The following CLMN variants were observed in gnomAD, a reference collection of about 807,000 sequenced individuals.
CLMN encodes calmin.
In CLMN, 57 loss-of-function variants were observed where a neutral mutation model predicts 92.7. That is an observed-to-expected ratio of 0.61 (90% confidence interval 0.50 to 0.77). The LOEUF (loss-of-function observed/expected upper bound fraction) is 0.77, where lower values mean the gene tolerates loss of function less well. Ranked by LOEUF, CLMN falls within the 30% of genes least tolerant of loss-of-function variation. The probability of loss-of-function intolerance (pLI) is 0.00; values close to 1 mark genes in which losing one functional copy is unlikely to be tolerated. For synonymous variants in CLMN, 466 were observed against 470.6 expected (o/e 0.99, Z 0.13); for missense variants, 1,158 against 1,237.5 (o/e 0.94, Z 0.96).
Position 95,182,879 on chromosome 14 carries a change from C to T in CLMN, c.*8685G>A, listed in dbSNP as rs1226960459. 2 of 152,204 alleles carry T rather than the reference C, an allele frequency of 1.3e-5. No homozygotes were observed. The highest frequency in any genetic ancestry group is 4.8e-5 in the African/African-American group (2 of 41,448). The allele number at this position is 152,204 out of a possible 1,614,324, so 9.4% of individuals were successfully genotyped here. A position where few individuals can be genotyped will look rare whatever the true frequency, so the allele number is the denominator to read the frequency against. ...CCCTAGGAAGCAGATTTCCCAGGTT[C>T]TACTTCAAACATTCATCTGAAACCT... On this transcript the variant is annotated 3_prime_UTR_variant, in exon 13 of 13. Coordinates refer to ENST00000298912, the MANE Select transcript of CLMN (RefSeq NM_024734.4).
chr14:95,265,767 G>A (rs947964724), intron 1 of CLMN, among the ~76,000 whole-genome samples: 4 of 152,192 alleles, frequency 2.6e-5, no homozygotes, highest in Admixed American at 1.3e-4. Flanking sequence ...TTACCTTCCT[G>A]AAGAAGGCAG....
At chr14:95,217,088 G>A (rs1204178728) in intron 4 of CLMN, among the ~76,000 whole-genome samples, 1 of 152,128 alleles carries the variant, frequency 6.6e-6, no homozygotes, top group African/African-American at 2.4e-5. Flanking sequence ...AGGCCACACT[G>A]GTGTCTGCCA....
intron 1 of CLMN, among the ~76,000 whole-genome samples, chr14:95,245,673 T>C (rs1293285224): frequency 1.3e-5 from 1 of 77,492 alleles, no homozygotes; most frequent in Non-Finnish European, 2.3e-5. Context: ...GATGGATAGA[T>C]GGATGGGTGG....
rs906226603 is a variant in CLMN at position 95,204,518 on chromosome 14, A to G, written c.886-55T>C. 4.1e-6 allele frequency: 6 copies of G among 1,448,852 alleles called. No homozygotes were observed. In the South Asian group the frequency reaches 7.0e-5, roughly 17 times the overall value. The allele number at this position is 1,448,852 out of a possible 1,614,324, so 89.7% of individuals were successfully genotyped here. A position where few individuals can be genotyped will look rare whatever the true frequency, so the allele number is the denominator to read the frequency against. ...AAAAAAAACAAAAGAACAACAACAAAAAAAAGCACAGAGCAACATGAGTAA... is the reference window on the plus strand; with the variant it reads ...AAAAAAAACAAAAGAACAACAACAAGAAAAAGCACAGAGCAACATGAGTAA... On this transcript the variant is annotated intron_variant, in intron 8 of 12. Coordinates refer to ENST00000298912, the MANE Select transcript of CLMN (RefSeq NM_024734.4).
intron 1 of CLMN, among the ~76,000 whole-genome samples, chr14:95,268,516 G>C (rs1382220961): frequency 6.6e-6 from 1 of 152,138 alleles, no homozygotes; most frequent in South Asian, 2.1e-4. Flanking sequence ...GAAGGGTGGG[G>C]GCATGACTAT....
Position 95,222,289 on chromosome 14 carries a change from T to C in CLMN, c.241-515A>G, listed in dbSNP as rs57386182. 1.7e-5 allele frequency: 4 copies of C among 234,058 alleles called. No individual in the cohort carries two copies. In the South Asian group the frequency reaches 2.1e-4, roughly 12 times the overall value. The allele number at this position is 234,058 out of a possible 1,614,324, so 14.5% of individuals were successfully genotyped here. Reference sequence around the variant, plus strand: ...TAGCCAAGAGTTTTGTGGACAGTTATCCCAGGTCGAAAGAGAGAAAGAGAG... The same window carrying C: ...TAGCCAAGAGTTTTGTGGACAGTTACCCCAGGTCGAAAGAGAGAAAGAGAG... On this transcript the variant is annotated intron_variant, in intron 3 of 12. Transcript: ENST00000298912.
At chr14:95,317,372 C>G (rs573998965) in intron 1 of CLMN, among the ~76,000 whole-genome samples, 1 of 152,292 alleles carries the variant, frequency 6.6e-6, no homozygotes, top group South Asian at 2.1e-4. Flanking sequence ...CAATGCTAAG[C>G]AAAGCACAAC....
intron 1 of CLMN, among the ~76,000 whole-genome samples, chr14:95,291,571 C>A (rs1002037034): frequency 1.2e-4 from 18 of 152,210 alleles, no homozygotes; most frequent in African/African-American, 4.3e-4. Flanking sequence ...CGGAGTCAGA[C>A]TGGCCCCAGC....
rs529569819 is a variant in CLMN, at chr14:95,185,779, G to C, written c.*5785C>G. ...AAGGTGTCTCCAAGCAGAAGGGAGA[G>C]AGAGGCCGTGTCTCAAAACTCCAGA... On this transcript the variant is annotated 3_prime_UTR_variant, in exon 13 of 13. Transcript: ENST00000298912. The C allele has an allele frequency of 6.6e-6, 1 of 152,046 alleles. No homozygotes were observed. The highest frequency in any genetic ancestry group is 1.5e-5 in the Non-Finnish European group (1 of 68,032). 9.4% of individuals were successfully genotyped at this position (152,046 alleles called of 1,614,324 possible).
chr14:95,213,453 C>T (rs780714810), intron 5 of CLMN, 44 bp from the exon 6 acceptor site: 1 of 1,553,256 alleles, frequency 6.4e-7, no homozygotes, highest in Non-Finnish European at 8.7e-7. Flanking sequence ...CAGACCCACC[C>T]TCTCAGCAAG....
At chr14:95,245,207 A>ACAC (rs1566890886) in intron 1 of CLMN, among the ~76,000 whole-genome samples, 1 of 24,510 alleles carries the variant, frequency 4.1e-5, no homozygotes, top group Non-Finnish European at 6.5e-5. Context: ...ATATATATAT[A>ACAC]TTATATATAT....
chr14:95,302,347 G>A (rs1214640993), intron 1 of CLMN, among the ~76,000 whole-genome samples: 1 of 151,652 alleles, frequency 6.6e-6, no homozygotes, highest in African/African-American at 2.4e-5. Flanking sequence ...AGGAAAGAAG[G>A]AAGGAGGGAA....
At chr14:95,236,163 G>A (rs543174030) in intron 1 of CLMN, among the ~76,000 whole-genome samples, 2 of 152,246 alleles carry the variant, frequency 1.3e-5, no homozygotes, top group Non-Finnish European at 2.9e-5. Context: ...TACAGGTAAG[G>A]AGTCTGAGGC....
chr14:95,209,327 G>T, intron 8 of CLMN, 68 bp downstream of exon 8: 2 of 1,463,700 alleles, frequency 1.4e-6, no homozygotes, highest in Non-Finnish European at 1.9e-6. Context: ...CCACGTCCCT[G>T]CTTCGTCTGA....
intron 1 of CLMN, 74 bp downstream of exon 1, chr14:95,319,637 T>C (rs1385751295): frequency 1.7e-6 from 2 of 1,195,428 alleles, no homozygotes; most frequent in East Asian, 2.9e-5. Flanking sequence ...CGCGGGGGAG[T>C]TGCCAAGTGT....
At position 95,186,771 on chromosome 14, in the gene CLMN, G is replaced by A. The variant is rs932353370; in HGVS notation, c.*4793C>T. The stretch of plus-strand genomic sequence containing the variant: ...AGATGGAGTCTTGCTATGTTGTGCA[G>A]GCTGGTCTTGAATTCCTGGCCTCAA... On this transcript the variant is annotated 3_prime_UTR_variant, in exon 13 of 13. Transcript: ENST00000298912. 3 of 152,412 alleles carry A rather than the reference G, an allele frequency of 2.0e-5. No homozygotes were observed. The highest frequency in any genetic ancestry group is 2.0e-4 in the Admixed American group (3 of 15,280). 9.4% of individuals were successfully genotyped at this position (152,412 alleles called of 1,614,324 possible).
At chr14:95,301,651 C>G (rs1401851954) in intron 1 of CLMN, among the ~76,000 whole-genome samples, 2 of 152,250 alleles carry the variant, frequency 1.3e-5, no homozygotes, top group African/African-American at 4.8e-5. Context: ...GGTCACCTTC[C>G]TGAACAACCA....
chr14:95,199,235 G>A (rs1361406235), intron 9 of CLMN: 1 of 152,236 alleles, frequency 6.6e-6, no homozygotes, highest in Non-Finnish European at 1.5e-5. Context: ...TGTCTTTTAG[G>A]ACGAACCTGA....
intron 1 of CLMN, among the ~76,000 whole-genome samples, chr14:95,264,160 C>T (rs1400855009): frequency 6.6e-6 from 1 of 152,036 alleles, no homozygotes; most frequent in Non-Finnish European, 1.5e-5. Flanking sequence ...CCACCTTAGC[C>T]TCCTGAGTAG....
Sources: allele counts gnomAD v4.1 joint callset (sites outside exome capture counted in the v4.1 genomes callset), GRCh38; gene constraint gnomAD v4.1.1; transcripts MANE v1.5; gene names NCBI Gene and HGNC (gene_info 2026-07-23, HGNC 2026-07-21).